Variants in NEDD9 observed in about 807,000 individuals in gnomAD.
NEDD9 encodes enhancer of filamentation 1.
A neutral mutation model predicts 76.6 loss-of-function variants in NEDD9; 26 were observed. That is an observed-to-expected ratio of 0.34 (90% CI 0.25 to 0.47). NEDD9 has a LOEUF of 0.47. Among genes scored for constraint, NEDD9 ranks in the 20% least tolerant of loss-of-function variants. The pLI, the probability that NEDD9 is intolerant of heterozygous loss-of-function variation, is 1.00. For missense variants in NEDD9, 937 were observed against 1,058.5 expected (o/e 0.89, Z 1.59); for synonymous variants, 392 against 414.2 (o/e 0.95, Z 0.65).
At chr6:11,233,284 C>T (rs1217613549), upstream of NEDD9, 2 of 518,990 alleles carry the variant, frequency 3.9e-6, no homozygotes, top group Non-Finnish European at 7.7e-6. Flanking sequence ...GACAATTCTC[C>T]CTTAGTGAAA....
At chr6:11,323,628 C>T (rs1761859592) in intron 2 of NEDD9, among the ~76,000 whole-genome samples, 1 of 152,200 alleles carries the variant, frequency 6.6e-6, no homozygotes, top group Non-Finnish European at 1.5e-5. Context: ...CAACAGAAAA[C>T]TGTCTGGCCC....
intron 3 of NEDD9, among the ~76,000 whole-genome samples, chr6:11,293,196 G>GTTTTTTTTTTTTT (rs35317754): frequency 6.7e-6 from 1 of 148,430 alleles, no homozygotes; most frequent in African/African-American, 2.5e-5. Context: ...CTAAGTCTAT[G>GTTTTTTTTTTTTT]TTTTTTTTTT....
At chr6:11,256,360 C>CA (rs1163420880) in intron 3 of NEDD9, among the ~76,000 whole-genome samples, 1 of 152,218 alleles carries the variant, frequency 6.6e-6, no homozygotes, top group Non-Finnish European at 1.5e-5. Context: ...TAATATTTGG[C>CA]AAACTTGTGG....
At chr6:11,322,735 A>G (rs1761837148) in intron 2 of NEDD9, among the ~76,000 whole-genome samples, 1 of 152,228 alleles carries the variant, frequency 6.6e-6, no homozygotes, top group Non-Finnish European at 1.5e-5. Flanking sequence ...GACGTGTTTC[A>G]TCAGATGTTT....
At chr6:11,342,355 T>C (rs1453391816) in intron 1 of NEDD9, among the ~76,000 whole-genome samples, 1 of 152,024 alleles carries the variant, frequency 6.6e-6, no homozygotes, top group Non-Finnish European at 1.5e-5. Context: ...AAGATGAAGA[T>C]AAAGGAAGCC....
chr6:11,374,765 G>A (rs1018758544), intron 1 of NEDD9, among the ~76,000 whole-genome samples: 1 of 152,196 alleles, frequency 6.6e-6, no homozygotes, highest in Non-Finnish European at 1.5e-5. Context: ...CAATACTTTT[G>A]TAAATTAAGT....
chr6:11,220,692 C>A (rs1759114274), intron 1 of NEDD9, among the ~76,000 whole-genome samples: 1 of 152,166 alleles, frequency 6.6e-6, no homozygotes, highest in South Asian at 2.1e-4. Flanking sequence ...ATCTGATGCT[C>A]ACTGCAAATT....
At chr6:11,317,575 TA>T (rs1014080035) in intron 2 of NEDD9, among the ~76,000 whole-genome samples, 57 of 152,134 alleles carry the variant, frequency 3.7e-4, no homozygotes, top group African/African-American at 1.3e-3. Flanking sequence ...ACAATTAGAT[TA>T]TGCAGATTCT....
intron 3 of NEDD9, chr6:11,305,940 A>T: frequency 1.2e-6 from 2 of 1,605,172 alleles, no homozygotes; most frequent in Non-Finnish European, 1.7e-6. Flanking sequence ...AGGCTGAGCA[A>T]ACTGGAAAAA....
intron 1 of NEDD9, among the ~76,000 whole-genome samples, chr6:11,218,418 C>T (rs1235892462): frequency 1.3e-5 from 2 of 151,588 alleles, no homozygotes; most frequent in East Asian, 3.9e-4. Flanking sequence ...TCCTTCCTCC[C>T]TCGAAACCCA....
At chr6:11,226,536 C>G (rs1759315842) in intron 1 of NEDD9, among the ~76,000 whole-genome samples, 1 of 152,174 alleles carries the variant, frequency 6.6e-6, no homozygotes, top group South Asian at 2.1e-4. Flanking sequence ...AGACCTCTTA[C>G]TTTACATTTA....
chr6:11,270,143 A>T (rs1425656039), intron 3 of NEDD9, among the ~76,000 whole-genome samples: 1 of 152,182 alleles, frequency 6.6e-6, no homozygotes, highest in Non-Finnish European at 1.5e-5. Context: ...ACAAACAAAA[A>T]ATCCACTCTC....
chr6:11,317,065 A>G (rs1206793037), intron 2 of NEDD9, among the ~76,000 whole-genome samples: 1 of 152,318 alleles, frequency 6.6e-6, no homozygotes, highest in African/African-American at 2.4e-5. Flanking sequence ...GAAGACAGAG[A>G]TTTTATAGTC....
chr6:11,264,698 C>T (rs1267473898), intron 3 of NEDD9, among the ~76,000 whole-genome samples: 1 of 152,002 alleles, frequency 6.6e-6, no homozygotes. Context: ...ATTTAAAGGT[C>T]ACAAGTAAGT....
chr6:11,243,497 G>A (rs1176782450), intron 3 of NEDD9, among the ~76,000 whole-genome samples: 1 of 152,172 alleles, frequency 6.6e-6, no homozygotes, highest in Non-Finnish European at 1.5e-5. Context: ...AACACATTTT[G>A]AGGAGTCCTG....
chr6:11,299,693 C>T lies in NEDD9; in HGVS notation c.12+6299G>A, dbSNP rs145545456. ...GGCAGCAATATTTGCTGTTCTGCAG[C>T]CTCCGCTGGTGATACCCAGGCAAAC... is the stretch of plus-strand genomic sequence containing the variant. On this transcript the variant is annotated intron_variant, in intron 3 of 3. Coordinates refer to the NEDD9 transcript ENST00000397378. Among the ~76,000 whole-genome samples the T allele has an allele frequency of 5.4e-4, 83 of 152,294 alleles. 3 individuals are homozygous for T. In the East Asian group the frequency reaches 0.016, roughly 29 times the overall value.
chr6:11,330,825 G>A (rs954640255), intron 2 of NEDD9, among the ~76,000 whole-genome samples: 1 of 152,116 alleles, frequency 6.6e-6, no homozygotes, highest in Non-Finnish European at 1.5e-5. Flanking sequence ...GTCCATGAAA[G>A]CCTCATTGTT....
intron 1 of NEDD9, among the ~76,000 whole-genome samples, chr6:11,358,766 T>C (rs1439649528): frequency 6.6e-6 from 1 of 152,144 alleles, no homozygotes; most frequent in Non-Finnish European, 1.5e-5. Context: ...ATGTGAAAGA[T>C]TATGGGATGA....
chr6:11,319,930 T>G (rs1334653839), intron 2 of NEDD9, among the ~76,000 whole-genome samples: 3 of 152,128 alleles, frequency 2.0e-5, no homozygotes, highest in Non-Finnish European at 4.4e-5. Context: ...CACTATGAGC[T>G]TCCACCTTTA....
Sources: gnomAD v4.1 joint callset for allele counts (sites outside exome capture counted in the v4.1 genomes callset) on GRCh38, gnomAD v4.1.1 for gene constraint, MANE v1.5 for transcripts, NCBI Gene and HGNC (gene_info 2026-07-23, HGNC 2026-07-21) for gene names.